Variants in MRTFB observed in about 807,000 individuals in gnomAD.
The protein encoded by MRTFB is myocardin related transcription factor B.
MRTFB carries 29 observed loss-of-function variants against 104.2 expected under a neutral mutation model. The observed-to-expected ratio is 0.28, with a 90% CI of 0.21 to 0.38. MRTFB has a LOEUF of 0.38. Among genes scored for constraint, MRTFB ranks in the 10% least tolerant of loss-of-function variants. The probability of loss-of-function intolerance (pLI) is 1.00; values close to 1 mark genes in which losing one functional copy is unlikely to be tolerated. For synonymous variants in MRTFB, 535 were observed against 519.5 expected (o/e 1.03, Z -0.41); for missense variants, 1,270 against 1,341.6 (o/e 0.95, Z 0.83).
intron 3 of MRTFB, among the ~76,000 whole-genome samples, chr16:14,147,308 A>G (rs2038366137): frequency 6.6e-6 from 1 of 152,226 alleles, no homozygotes; most frequent in Non-Finnish European, 1.5e-5. Context: ...GACAACTGCA[A>G]ATGAAAATGT....
the MRTFB span, among the ~76,000 whole-genome samples, chr16:13,995,257 G>T: frequency 6.6e-6 from 1 of 152,108 alleles, no homozygotes; most frequent in Non-Finnish European, 1.5e-5. Context: ...AGAAACTGGG[G>T]TCAGGTTATC....
At position 14,240,489 on chromosome 16, in the gene MRTFB, G is replaced by C; in HGVS notation, c.1079+5G>C. The C allele has an allele frequency of 6.2e-7, 1 of 1,614,196 alleles. No homozygotes were observed. The highest frequency in any genetic ancestry group is 8.5e-7 in the Non-Finnish European group (1 of 1,180,034). On this transcript the variant is annotated splice_donor_5th_base_variant and intron_variant, in intron 10 of 16. Transcript: ENST00000571589. The stretch of plus-strand genomic sequence containing the variant: ...CATCCTGCCTGCACCATTCAAGTAC[G>C]GCGGGGCCCATGCTATCCTCAACGC...
intron 3 of MRTFB, chr16:14,141,971 TG>T (rs2038024277): frequency 1.3e-5 from 2 of 152,012 alleles, no homozygotes; most frequent in African/African-American, 2.4e-5. Context: ...CCTGAGTAGC[TG>T]GGATTACAGG....
intron 8 of MRTFB, among the ~76,000 whole-genome samples, chr16:14,223,619 A>C (rs1035308960): frequency 6.6e-6 from 1 of 152,142 alleles, no homozygotes; most frequent in Non-Finnish European, 1.5e-5. Flanking sequence ...TCAAACAAGC[A>C]GAAGAAAGAA....
At chr16:14,224,474 G>T (rs971895382) in intron 8 of MRTFB, among the ~76,000 whole-genome samples, 4 of 152,148 alleles carry the variant, frequency 2.6e-5, no homozygotes, top group African/African-American at 4.8e-5. Context: ...GCAGCCCATT[G>T]TTGACCACAA....
At chr16:14,069,942 C>T (rs2033592859), upstream of MRTFB, among the ~76,000 whole-genome samples, 1 of 152,244 alleles carries the variant, frequency 6.6e-6, no homozygotes, top group Non-Finnish European at 1.5e-5. Flanking sequence ...CCACTTCCTC[C>T]ATCTGGTGAG....
At chr16:14,002,714 G>A in the MRTFB span, among the ~76,000 whole-genome samples, 4 of 152,134 alleles carry the variant, frequency 2.6e-5, no homozygotes, top group East Asian at 1.9e-4. Flanking sequence ...GAAAAGAAGC[G>A]GGTAAGAGAA....
chr16:14,168,239 G>T (rs149622247), intron 3 of MRTFB, among the ~76,000 whole-genome samples: 1 of 151,908 alleles, frequency 6.6e-6, no homozygotes, highest in Non-Finnish European at 1.5e-5. Context: ...GTGTGTGTGT[G>T]TGTGTATGCT....
intron 16 of MRTFB, 23 bp downstream of exon 16, chr16:14,258,184 T>C: frequency 6.2e-7 from 1 of 1,607,446 alleles, no homozygotes; most frequent in Non-Finnish European, 8.5e-7. Flanking sequence ...TCACATCAGA[T>C]CCTCCCAGGA....
the MRTFB span, among the ~76,000 whole-genome samples, chr16:14,060,934 C>T: frequency 3.9e-5 from 6 of 152,090 alleles, no homozygotes; most frequent in African/African-American, 7.2e-5. Flanking sequence ...ATCAGGAGGT[C>T]AGGAGATCGA....
chr16:14,035,234 C>T, the MRTFB span, among the ~76,000 whole-genome samples: 14 of 152,298 alleles, frequency 9.2e-5, no homozygotes, highest in African/African-American at 3.4e-4. Flanking sequence ...TGATCCCTTT[C>T]CTATAAATCA....
At chr16:14,157,098 C>T (rs978846400) in intron 3 of MRTFB, among the ~76,000 whole-genome samples, 1 of 152,152 alleles carries the variant, frequency 6.6e-6, no homozygotes, top group Admixed American at 6.5e-5. Context: ...ATAATGTGCA[C>T]ATAGTACTTT....
At chr16:14,020,281 A>G in the MRTFB span, 1 of 152,200 alleles carries the variant, frequency 6.6e-6, no homozygotes, top group South Asian at 2.1e-4. Context: ...CTACACCCTA[A>G]TAGAATTTCA....
At chr16:14,255,159 AT>A (rs1168510291) in intron 15 of MRTFB, among the ~76,000 whole-genome samples, 1 of 152,284 alleles carries the variant, frequency 6.6e-6, no homozygotes, top group Non-Finnish European at 1.5e-5. Context: ...ATCCTGTTAT[AT>A]AATTCAAACA....
chr16:14,213,875 C>T (rs887054799), intron 6 of MRTFB, among the ~76,000 whole-genome samples: 1 of 152,132 alleles, frequency 6.6e-6, no homozygotes, highest in Non-Finnish European at 1.5e-5. Flanking sequence ...CATACTGTTC[C>T]ACTAAAAAAA....
intron 15 of MRTFB, among the ~76,000 whole-genome samples, chr16:14,254,876 C>G (rs1043829896): frequency 6.6e-6 from 1 of 152,124 alleles, no homozygotes; most frequent in African/African-American, 2.4e-5. Flanking sequence ...AACTTGCGGG[C>G]AAGGTTTTCA....
chr16:14,176,880 C>A (rs1043629822), intron 3 of MRTFB, among the ~76,000 whole-genome samples: 3 of 152,158 alleles, frequency 2.0e-5, no homozygotes, highest in African/African-American at 4.8e-5. Flanking sequence ...TGTGCTGAGT[C>A]CTTTGATGAC....
the MRTFB span, among the ~76,000 whole-genome samples, chr16:14,033,958 A>G: frequency 6.6e-6 from 1 of 152,196 alleles, no homozygotes; most frequent in Non-Finnish European, 1.5e-5. Flanking sequence ...ATGGAGGAAC[A>G]AAGCTGAAGG....
rs750888346 is a variant in MRTFB at position 14,247,398 on chromosome 16, A to G, written c.2138A>G (p.Gln713Arg). 6.3e-5 allele frequency: 102 copies of G among 1,613,438 alleles called. No individual in the cohort carries two copies. In the South Asian group the frequency reaches 1.1e-3, roughly 17 times the overall value. The change falls in exon 12 of 17, where the codon CAG becomes CGG. Residue 713 changes from glutamine (Q) to arginine (R), a missense_variant. By Grantham distance (43) the Gln-to-Arg change is conservative (BLOSUM62 1). Coordinates refer to ENST00000571589, the MANE Select transcript of MRTFB (RefSeq NM_001308142.2). ...QGQPPPAVVAQPQALLTTQTA... is the reference protein window; with the variant it reads ...QGQPPPAVVARPQALLTTQTA... ...CAGCCACCGCCTGCTGTTGTTGCTCAGCCCCAGGCTTTACTGACCACGCAG... is the reference window on the plus strand; with the variant it reads ...CAGCCACCGCCTGCTGTTGTTGCTCGGCCCCAGGCTTTACTGACCACGCAG...
Sources: allele counts gnomAD v4.1 joint callset (sites outside exome capture counted in the v4.1 genomes callset), GRCh38; gene constraint gnomAD v4.1.1; transcripts MANE v1.5; gene names NCBI Gene and HGNC (gene_info 2026-07-23, HGNC 2026-07-21).